The following PDIA5 variants were observed in gnomAD, a reference collection of about 807,000 sequenced individuals.
PDIA5 encodes the protein protein disulfide isomerase family A member 5, also known as protein disulfide-isomerase A5.
Under a neutral mutation model 77.6 loss-of-function variants are expected in PDIA5, and 58 were observed. That is an observed-to-expected ratio of 0.75 (90% CI 0.61 to 0.93). The LOEUF is 0.93. PDIA5 is among the 40% of genes least tolerant of loss of function. PDIA5 has a pLI of 0.00. For synonymous variants in PDIA5, 250 were observed against 252.1 expected, an observed-to-expected ratio of 0.99 and a Z score of 0.08; for missense variants, 630 against 647.7, an observed-to-expected ratio of 0.97 and a Z score of 0.30.
intron 1 of PDIA5, among the ~76,000 whole-genome samples, chr3:123,080,588 C>A (rs116595320): frequency 0.057 from 8,685 of 152,284 alleles, 357 homozygotes; most frequent in Non-Finnish European, 0.089. Flanking sequence ...GGGAAGAACA[C>A]TGGGTAAATC....
chr3:123,086,607 T>C (rs1472267132), intron 1 of PDIA5, among the ~76,000 whole-genome samples: 2 of 152,232 alleles, frequency 1.3e-5, no homozygotes, highest in Non-Finnish European at 2.9e-5. Flanking sequence ...TTATTGACCA[T>C]GTTCCTCCAT....
chr3:123,140,148 G>C (rs1935591919), intron 11 of PDIA5, among the ~76,000 whole-genome samples: 1 of 152,084 alleles, frequency 6.6e-6, no homozygotes, highest in Non-Finnish European at 1.5e-5. Flanking sequence ...GTATGCTCCA[G>C]GTGGGTAGGA....
intron 7 of PDIA5, 132 bp from the exon 8 acceptor site, chr3:123,116,099 G>C: frequency 1.3e-6 from 1 of 756,730 alleles, no homozygotes; most frequent in South Asian, 1.5e-5. Context: ...CCCAGGGTCT[G>C]GAATAGTCCT....
At chr3:123,082,368 G>A (rs1934033112) in intron 1 of PDIA5, among the ~76,000 whole-genome samples, 1 of 152,078 alleles carries the variant, frequency 6.6e-6, no homozygotes, top group African/African-American at 2.4e-5. Context: ...TGTGACCTTG[G>A]TAATTAATGT....
At chr3:123,151,305 A>C (rs2717220) in intron 14 of PDIA5, among the ~76,000 whole-genome samples, 28,009 of 152,174 alleles carry the variant, frequency 0.18, 3,103 homozygotes, top group South Asian at 0.29. Context: ...CGGTCTGTAG[A>C]GTGTGCCCAG....
intron 1 of PDIA5, among the ~76,000 whole-genome samples, chr3:123,080,123 T>C (rs1933959671): frequency 6.6e-6 from 1 of 151,276 alleles, no homozygotes; most frequent in East Asian, 1.9e-4. Flanking sequence ...TTGCTGTCTT[T>C]GGAGTGTGAT....
At position 123,099,107 on chromosome 3, in the gene PDIA5, A is replaced by G. The variant is rs1216194055; in HGVS notation, c.258-3304A>G. Among the ~76,000 whole-genome samples, 13 of 152,204 alleles carry G rather than the reference A, an allele frequency of 8.5e-5. 1 individual carries two copies. The highest frequency in any genetic ancestry group is 8.5e-4 in the Admixed American group (13 of 15,294). ...ACACTTATACATTTTGAGAGACACAACTATGAGAAGGAGGGGAGCAGTGCT... is the reference window on the plus strand; with the variant it reads ...ACACTTATACATTTTGAGAGACACAGCTATGAGAAGGAGGGGAGCAGTGCT... On this transcript the variant is annotated intron_variant, in intron 3 of 16. Coordinates refer to ENST00000316218, the MANE Select transcript of PDIA5 (RefSeq NM_006810.4).
At chr3:123,092,190 G>A (rs769933806) in intron 2 of PDIA5, among the ~76,000 whole-genome samples, 165 bp from the exon 3 acceptor site, 3 of 152,154 alleles carry the variant, frequency 2.0e-5, no homozygotes, top group Non-Finnish European at 2.9e-5. Context: ...TGCAGCACAG[G>A]CCCTGGCACT....
chr3:123,146,813 T>TTTTG (rs969363556), intron 13 of PDIA5, among the ~76,000 whole-genome samples: 1 of 143,802 alleles, frequency 7.0e-6, no homozygotes, highest in Non-Finnish European at 1.6e-5. Context: ...TTTCTTACAA[T>TTTTG]TTTGTTTTGT....
intron 3 of PDIA5, among the ~76,000 whole-genome samples, chr3:123,098,320 C>T (rs1037676007): frequency 6.6e-6 from 1 of 151,916 alleles, no homozygotes; most frequent in Non-Finnish European, 1.5e-5. Flanking sequence ...GACCTCAGAC[C>T]CCCACCCTCC....
chr3:123,098,706 A>G, intron 3 of PDIA5, among the ~76,000 whole-genome samples: 1 of 108,864 alleles, frequency 9.2e-6, no homozygotes, highest in East Asian at 2.4e-4. Flanking sequence ...TCCTTGGAAC[A>G]GTGGTGAGTA....
intron 1 of PDIA5, among the ~76,000 whole-genome samples, chr3:123,070,684 C>T (rs1451833460): frequency 6.6e-6 from 1 of 152,144 alleles, no homozygotes; most frequent in Non-Finnish European, 1.5e-5. Flanking sequence ...CTGCCCTGCT[C>T]CCATCCCTGC....
At chr3:123,112,805 C>T (rs2107943809) in intron 7 of PDIA5, among the ~76,000 whole-genome samples, 2 of 152,146 alleles carry the variant, frequency 1.3e-5, no homozygotes, top group African/African-American at 4.8e-5. Context: ...GGTGATCCAC[C>T]CACCTCGGCC....
chr3:123,149,821 C>T (rs116280319), intron 13 of PDIA5, among the ~76,000 whole-genome samples: 3 of 152,120 alleles, frequency 2.0e-5, no homozygotes, highest in Admixed American at 2.0e-4. Flanking sequence ...TTGGCCCATG[C>T]TCTCCACCAG....
intron 12 of PDIA5, 31 bp downstream of exon 12, chr3:123,145,623 C>T (rs1413659189): frequency 1.3e-6 from 2 of 1,553,806 alleles, no homozygotes; most frequent in Non-Finnish European, 1.8e-6. Flanking sequence ...CCTCACCGTT[C>T]TCTTTGAAAG....
intron 14 of PDIA5, among the ~76,000 whole-genome samples, chr3:123,151,841 C>T (rs1260757073): frequency 6.7e-6 from 1 of 148,356 alleles, no homozygotes; most frequent in African/African-American, 2.5e-5. Context: ...TCCTGCCTGC[C>T]TGCCTTCCTT....
At chr3:123,074,991 G>A (rs1933814792) in intron 1 of PDIA5, among the ~76,000 whole-genome samples, 1 of 152,156 alleles carries the variant, frequency 6.6e-6, no homozygotes, top group Non-Finnish European at 1.5e-5. Context: ...GCCATACTTT[G>A]TAAAGTTAAG....
chr3:123,140,809 T>A (rs1344322739), intron 11 of PDIA5, among the ~76,000 whole-genome samples: 1 of 152,158 alleles, frequency 6.6e-6, no homozygotes, highest in African/African-American at 2.4e-5. Flanking sequence ...TTCTGGGAGC[T>A]GAGGCCAAAG....
intron 8 of PDIA5, among the ~76,000 whole-genome samples, chr3:123,121,668 A>G (rs1339554046): frequency 6.6e-6 from 1 of 152,228 alleles, no homozygotes; most frequent in Non-Finnish European, 1.5e-5. Flanking sequence ...GGGCAGCCTC[A>G]GTAAGGGGAC....
Sources: allele counts gnomAD v4.1 joint callset (sites outside exome capture counted in the v4.1 genomes callset), GRCh38; gene constraint gnomAD v4.1.1; transcripts MANE v1.5; gene names NCBI Gene and HGNC (gene_info 2026-07-23, HGNC 2026-07-21).